The following NPAS3 variants were observed in gnomAD, a reference collection of about 807,000 sequenced individuals.
The protein encoded by NPAS3 is neuronal PAS domain protein 3, also known as neuronal PAS domain-containing protein 3.
NPAS3 carries 14 observed loss-of-function variants against 73.1 expected under a neutral mutation model. That is an observed-to-expected ratio of 0.19 (90% CI 0.13 to 0.30). NPAS3 has a LOEUF of 0.30. Among genes scored for constraint, NPAS3 ranks in the 10% least tolerant of loss-of-function variants. NPAS3 has a pLI of 1.00. For missense variants in NPAS3, 1,096 were observed against 1,250.0 expected (o/e 0.88, Z 1.86); for synonymous variants, 620 against 541.5 (o/e 1.14, Z -2.01).
intron 4 of NPAS3, among the ~76,000 whole-genome samples, chr14:33,449,130 C>T (rs186887281): frequency 6.6e-6 from 1 of 152,304 alleles, no homozygotes; most frequent in East Asian, 1.9e-4. Flanking sequence ...TGTATGTCCA[C>T]CGAAAAGAGA....
chr14:33,232,736 G>T (rs1012954053), intron 3 of NPAS3, among the ~76,000 whole-genome samples: 52 of 152,120 alleles, frequency 3.4e-4, no homozygotes, highest in Middle Eastern at 3.4e-3. Context: ...AGTCCTATAA[G>T]TTACTACATT....
At chr14:33,548,104 A>C (rs1051987126) in intron 4 of NPAS3, among the ~76,000 whole-genome samples, 12 of 152,226 alleles carry the variant, frequency 7.9e-5, no homozygotes, top group East Asian at 3.8e-4. Flanking sequence ...CCCTTCATGC[A>C]ATCGTTGTTG....
intron 4 of NPAS3, among the ~76,000 whole-genome samples, chr14:33,501,634 T>G (rs1212940440): frequency 3.3e-5 from 5 of 151,618 alleles, no homozygotes; most frequent in East Asian, 1.9e-4. Context: ...GGATTTGTTT[T>G]TTTTTTTTTT....
upstream of NPAS3, among the ~76,000 whole-genome samples, chr14:32,936,032 T>G (rs1340543367): frequency 6.6e-6 from 1 of 152,276 alleles, no homozygotes; most frequent in African/African-American, 2.4e-5. Context: ...GGCATTTAAC[T>G]TAAAATATAC....
intron 2 of NPAS3, among the ~76,000 whole-genome samples, chr14:33,207,804 T>C (rs981730963): frequency 4.6e-5 from 7 of 152,170 alleles, no homozygotes; most frequent in African/African-American, 1.7e-4. Context: ...AATTGATTGG[T>C]CTTGGCATTT....
At chr14:33,073,941 G>A (rs996390479) in intron 2 of NPAS3, among the ~76,000 whole-genome samples, 1 of 152,162 alleles carries the variant, frequency 6.6e-6, no homozygotes, top group African/African-American at 2.4e-5. Flanking sequence ...TTTAAGGGCT[G>A]TTGTGTGAAC....
chr14:33,555,318 G>A (rs2055304530), intron 4 of NPAS3, among the ~76,000 whole-genome samples: 1 of 152,136 alleles, frequency 6.6e-6, no homozygotes, highest in African/African-American at 2.4e-5. Flanking sequence ...TAACATTTGT[G>A]TAGGTTCTTT....
At chr14:33,048,991 C>T (rs1291032525) in intron 1 of NPAS3, among the ~76,000 whole-genome samples, 2 of 152,138 alleles carry the variant, frequency 1.3e-5, no homozygotes, top group Non-Finnish European at 2.9e-5. Context: ...ACAGGACCTA[C>T]AAAATGTAGA....
At chr14:33,235,406 A>G (rs927544891) in intron 3 of NPAS3, among the ~76,000 whole-genome samples, 2 of 152,060 alleles carry the variant, frequency 1.3e-5, no homozygotes, top group African/African-American at 2.4e-5. Context: ...TCAGCTAAAA[A>G]TCTGTAACTA....
At chr14:33,558,404 G>C (rs1298559971) in intron 4 of NPAS3, among the ~76,000 whole-genome samples, 1 of 151,972 alleles carries the variant, frequency 6.6e-6, no homozygotes, top group African/African-American at 2.4e-5. Flanking sequence ...GGGATTACAG[G>C]TGTGCCACCA....
intron 5 of NPAS3, among the ~76,000 whole-genome samples, chr14:33,618,903 G>A (rs1156484793): frequency 6.6e-6 from 1 of 152,198 alleles, no homozygotes; most frequent in East Asian, 1.9e-4. Flanking sequence ...ATTTGAGTAA[G>A]GCAGTAAAAA....
chr14:33,318,557 C>A (rs995015895), intron 3 of NPAS3, among the ~76,000 whole-genome samples: 2 of 151,842 alleles, frequency 1.3e-5, no homozygotes, highest in African/African-American at 4.8e-5. Flanking sequence ...CATTATTATC[C>A]AAAAATGTGT....
intron 4 of NPAS3, among the ~76,000 whole-genome samples, chr14:33,514,845 T>G (rs1346352381): frequency 1.3e-5 from 2 of 152,082 alleles, no homozygotes; most frequent in Non-Finnish European, 1.5e-5. Context: ...ACAGTTCTAG[T>G]TGACTCAATT....
At chr14:33,389,792 C>A (rs2046923262) in intron 4 of NPAS3, among the ~76,000 whole-genome samples, 1 of 152,056 alleles carries the variant, frequency 6.6e-6, no homozygotes, top group Middle Eastern at 3.2e-3. Context: ...TTTTACAAAT[C>A]AAACACAAAT....
chr14:33,566,458 C>T (rs2055946262), intron 5 of NPAS3, among the ~76,000 whole-genome samples: 1 of 152,116 alleles, frequency 6.6e-6, no homozygotes, highest in Non-Finnish European at 1.5e-5. Context: ...TTTCCTTCCA[C>T]CCCACCCTTC....
intron 5 of NPAS3, among the ~76,000 whole-genome samples, chr14:33,595,759 C>T (rs532942655): frequency 5.9e-5 from 9 of 152,098 alleles, no homozygotes; most frequent in Admixed American, 2.0e-4. Flanking sequence ...CAAGATCCGC[C>T]GCCCGGGTTC....
intron 5 of NPAS3, chr14:33,610,877 A>C (rs1245997721): frequency 6.6e-6 from 1 of 152,236 alleles, no homozygotes; most frequent in Non-Finnish European, 1.5e-5. Context: ...GGTTGTTCTA[A>C]AAACTTTGCC....
intron 7 of NPAS3, among the ~76,000 whole-genome samples, chr14:33,773,966 T>C (rs1419231995): frequency 6.6e-6 from 1 of 152,166 alleles, no homozygotes; most frequent in East Asian, 1.9e-4. Flanking sequence ...AGTACAGACC[T>C]GGAGAGAGAC....
At chr14:33,644,671 A>ACCCGGGGCTTCT (rs1198801990) in intron 5 of NPAS3, among the ~76,000 whole-genome samples, 3 of 152,078 alleles carry the variant, frequency 2.0e-5, no homozygotes, top group African/African-American at 7.2e-5. Flanking sequence ...TACAAGCGGA[A>ACCCGGGGCTTCT]CCCGGGGCTT....
Sources: allele counts gnomAD v4.1 joint callset (sites outside exome capture counted in the v4.1 genomes callset), GRCh38; gene constraint gnomAD v4.1.1; transcripts MANE v1.5; gene names NCBI Gene and HGNC (gene_info 2026-07-23, HGNC 2026-07-21).